LEPROTL1: variants seen among roughly 807,000 people sequenced by gnomAD.
The protein encoded by LEPROTL1 is leptin receptor overlapping transcript like 1.
A neutral mutation model predicts 15.4 loss-of-function variants in LEPROTL1; 6 were observed. The observed-to-expected ratio is 0.39, with a 90% CI of 0.21 to 0.77. The LOEUF (loss-of-function observed/expected upper bound fraction) is 0.77, where lower values mean the gene tolerates loss of function less well. LEPROTL1 is among the 30% of genes least tolerant of loss of function. The pLI is 0.41. For missense variants in LEPROTL1, 128 were observed against 158.1 expected, an observed-to-expected ratio of 0.81 and a Z score of 1.02; for synonymous variants, 56 against 52.6, an observed-to-expected ratio of 1.06 and a Z score of -0.28.
At chr8:30,120,617 G>A (rs1359085943) in intron 3 of LEPROTL1, among the ~76,000 whole-genome samples, 5 of 152,044 alleles carry the variant, frequency 3.3e-5, no homozygotes, top group Non-Finnish European at 7.4e-5. Context: ...TGCAACCTTC[G>A]CCTCTCCGGC....
In LEPROTL1 at chr8:30,116,955, T is replaced by C. The variant is rs564784586; in HGVS notation, c.279+12469T>C. The stretch of plus-strand genomic sequence containing the variant: ...TCAGTATTAGACATGAATTGAATTA[T>C]AGGACACCCAGCTAGTGCTGGAGAA... On this transcript the variant is annotated intron_variant, in intron 3 of 4. Coordinates refer to the LEPROTL1 transcript ENST00000442880. Among the ~76,000 whole-genome samples the C allele has an allele frequency of 5.3e-5, 8 of 152,220 alleles. No individual in the cohort carries two copies. In the South Asian group the frequency reaches 1.7e-3, roughly 32 times the overall value.
At position 30,104,477 on chromosome 8, in the gene LEPROTL1, A is replaced by C; in HGVS notation, c.270A>C (p.Arg90Ser). The change falls in exon 3 of 4, where the codon AGA (arginine) becomes AGC (serine). Residue 90 changes from arginine to serine, a missense_variant. Physicochemically the swap from Arg to Ser is moderately radical, Grantham distance 110. Transcript: ENST00000321250. ...TTGGACTCCCTATTGTATTTGCCAG[A>C]GCACATCTGGTAAGTGAATATATTC... ...SAFGLPIVFARAHLIEWGACA... is the reference protein window; with the variant it reads ...SAFGLPIVFASAHLIEWGACA... 6.3e-7 allele frequency: 1 copy of C among 1,597,638 alleles called. No individual in the cohort carries two copies. The highest frequency in any genetic ancestry group is 8.5e-7 in the Non-Finnish European group (1 of 1,172,122).
chr8:30,109,184 C>T (rs1015424231), downstream of LEPROTL1, among the ~76,000 whole-genome samples: 1 of 152,164 alleles, frequency 6.6e-6, no homozygotes, highest in African/African-American at 2.4e-5. Flanking sequence ...CCAAAGTTAA[C>T]AAGCAACACA....
intron 3 of LEPROTL1, among the ~76,000 whole-genome samples, chr8:30,126,383 C>T (rs1182316220): frequency 6.6e-6 from 1 of 152,180 alleles, no homozygotes; most frequent in Non-Finnish European, 1.5e-5. Context: ...GCCCCATCTC[C>T]CAACACTGCT....
At chr8:30,096,182 C>G (rs936837460) in intron 1 of LEPROTL1, 2 of 792,264 alleles carry the variant, frequency 2.5e-6, no homozygotes. Context: ...TTTCAAATTT[C>G]AAAATTTTTC....
intron 3 of LEPROTL1, among the ~76,000 whole-genome samples, chr8:30,115,431 A>T (rs1802724872): frequency 6.6e-6 from 1 of 151,476 alleles, no homozygotes; most frequent in Admixed American, 6.6e-5. Context: ...CCAAAAATGC[A>T]TACCTTCATC....
At position 30,104,382 on chromosome 8, in the gene LEPROTL1, A is replaced by G. The variant is rs754379568; in HGVS notation, c.175A>G (p.Thr59Ala). 2 of 1,612,368 alleles carry G rather than the reference A, an allele frequency of 1.2e-6. No individual in the cohort carries two copies. Among genetic ancestry groups the G allele is most frequent in the South Asian group, 1.1e-5 (1 of 90,738 alleles). The change falls in exon 3 of 4, where the codon ACA becomes GCA. Residue 59 changes from threonine (T) to alanine (A), a missense_variant. By Grantham distance (58) the Thr-to-Ala change is moderately conservative. Coordinates refer to ENST00000321250, the MANE Select transcript of LEPROTL1 (RefSeq NM_015344.3). ...YCIARRLVDD[T>A]DAMSNACKEL... ...CATAGCAAGAAGATTAGTGGATGAT[A>G]CAGATGCTATGAGTAACGCTTGTAA...
Position 30,095,455 on chromosome 8 carries a change from G to GGCTGCC in LEPROTL1, c.-52_-47dup. 3 of 1,460,022 alleles carry GGCTGCC rather than the reference G, an allele frequency of 2.1e-6. No homozygotes were observed. Among genetic ancestry groups the GGCTGCC allele is most frequent in the Non-Finnish European group, 2.7e-6 (3 of 1,109,462 alleles). 90.4% of individuals were successfully genotyped at this position (1,460,022 alleles called of 1,614,324 possible). ...CGCCGTAGCGCGTCTTGGGTCTCCCGGCTGCCGCTGCTGCCGCCGCCGCCT... is the reference window on the plus strand; with the variant it reads ...CGCCGTAGCGCGTCTTGGGTCTCCCGGCTGCCGCTGCCGCTGCTGCCGCCGCCGCCT... On this transcript the variant is annotated 5_prime_UTR_variant, in exon 1 of 4. Transcript: ENST00000321250.
intron 3 of LEPROTL1, among the ~76,000 whole-genome samples, chr8:30,123,559 G>T (rs1802862395): frequency 6.6e-6 from 1 of 152,122 alleles, no homozygotes; most frequent in African/African-American, 2.4e-5. Context: ...AAATATGTCA[G>T]GTTTTCTCAT....
Position 30,121,913 on chromosome 8 carries a change from C to T in LEPROTL1, c.280-10462C>T, listed in dbSNP as rs372613310. Among the ~76,000 whole-genome samples, 3 of 151,890 alleles carry T rather than the reference C, an allele frequency of 2.0e-5. No individual in the cohort carries two copies. In the South Asian group the frequency reaches 6.3e-4, roughly 32 times the overall value. On this transcript the variant is annotated intron_variant, in intron 3 of 4. Transcript: ENST00000442880. ...TGGCACAGTGGCTCACCCCTGTAAT[C>T]CTAGCACTTTGGGAGGCCAAGGTGG...
At chr8:30,131,845 T>G in intron 3 of LEPROTL1, 1 of 1,413,164 alleles carries the variant, frequency 7.1e-7, no homozygotes, top group Admixed American at 2.9e-5. Context: ...AGAAAAAATT[T>G]TATTATGGAA....
At chr8:30,125,724 G>A (rs1802894732) in intron 3 of LEPROTL1, among the ~76,000 whole-genome samples, 2 of 152,194 alleles carry the variant, frequency 1.3e-5, no homozygotes, top group South Asian at 4.1e-4. Context: ...GGGTCCCACA[G>A]TTGGCCTGTG....
chr8:30,119,006 A>G (rs1217186422), intron 3 of LEPROTL1, among the ~76,000 whole-genome samples: 1 of 152,076 alleles, frequency 6.6e-6, no homozygotes, highest in Non-Finnish European at 1.5e-5. Flanking sequence ...GGTCTTTCCC[A>G]TCCCCCGAGG....
Position 30,137,261 on chromosome 8 carries a change from C to T in LEPROTL1, c.395-11C>T. 2 of 1,547,318 alleles carry T rather than the reference C, an allele frequency of 1.3e-6. 1 individual carries two copies. The highest frequency in any genetic ancestry group is 2.4e-5 in the South Asian group (2 of 83,942). On this transcript the variant is annotated splice_polypyrimidine_tract_variant and intron_variant, in intron 4 of 4. Transcript: ENST00000442880. ...CTAGACTGTAATTAGCTCTTGATTT[C>T]TGTTTTCTAGATGGGGCGCCTACCC...
intron 3 of LEPROTL1, among the ~76,000 whole-genome samples, chr8:30,120,976 T>C (rs1802820052): frequency 6.6e-6 from 1 of 152,158 alleles, no homozygotes; most frequent in African/African-American, 2.4e-5. Context: ...TCTACTCCCA[T>C]TCCCCCTGCT....
Position 30,106,120 on chromosome 8 carries a change from T to G in LEPROTL1, c.*258T>G. The G allele has an allele frequency of 9.8e-7, 1 of 1,020,228 alleles. No individual in the cohort carries two copies. The allele number at this position is 1,020,228 out of a possible 1,614,324, so 63.2% of individuals were successfully genotyped here. A position where few individuals can be genotyped will look rare whatever the true frequency, so the allele number is the denominator to read the frequency against. ...TGCTTTTTGTGGTGTCCTGCTGAAT[T>G]TAAATATTTATGTGTTTTTCCTGTT... On this transcript the variant is annotated 3_prime_UTR_variant, in exon 4 of 4. Transcript: ENST00000321250.
intron 3 of LEPROTL1, among the ~76,000 whole-genome samples, chr8:30,119,230 CAT>C (rs932708598): frequency 5.7e-4 from 87 of 152,298 alleles, no homozygotes; most frequent in African/African-American, 1.9e-3. Flanking sequence ...TTCCATGCAA[CAT>C]GTGTTTTTGT....
In LEPROTL1 at chr8:30,132,852, G is replaced by A. The variant is rs1347929882; in HGVS notation, c.394+363G>A. 2.6e-6 allele frequency: 4 copies of A among 1,551,220 alleles called. No individual in the cohort carries two copies. The South Asian group carries it at 4.8e-5, about 18-fold the overall frequency. On this transcript the variant is annotated intron_variant, in intron 4 of 4. Coordinates refer to the LEPROTL1 transcript ENST00000442880. ...CTTTCCCCTCACAAATGTCCAGAGA[G>A]AGGGACGTGACCCTCTGGGTCAAGA...
rs903922036 is a variant in LEPROTL1 at position 30,105,993 on chromosome 8, C to G, written c.*131C>G. On this transcript the variant is annotated 3_prime_UTR_variant, in exon 4 of 4. Coordinates refer to ENST00000321250, the MANE Select transcript of LEPROTL1 (RefSeq NM_015344.3). ...GGGGGTATTTTAGGTGCTCCCTTCTCACTTTTATTGTAAGCATACTATTTT... is the reference window on the plus strand; with the variant it reads ...GGGGGTATTTTAGGTGCTCCCTTCTGACTTTTATTGTAAGCATACTATTTT... 8 of 1,280,534 alleles carry G rather than the reference C, an allele frequency of 6.2e-6. No individual in the cohort carries two copies. The highest frequency in any genetic ancestry group is 6.2e-5 in the African/African-American group (4 of 64,804). 79.3% of individuals were successfully genotyped at this position (1,280,534 alleles called of 1,614,324 possible).
Sources: gnomAD v4.1 joint callset for allele counts (sites outside exome capture counted in the v4.1 genomes callset) on GRCh38, gnomAD v4.1.1 for gene constraint, MANE v1.5 for transcripts, NCBI Gene and HGNC (gene_info 2026-07-23, HGNC 2026-07-21) for gene names.